Variants in SRRM2 observed in about 807,000 individuals in gnomAD.
The protein encoded by SRRM2 is serine/arginine repetitive matrix 2.
A neutral mutation model predicts 213.8 loss-of-function variants in SRRM2; 30 were observed. The ratio of observed to expected loss-of-function variants is 0.14; its 90% CI spans 0.10 to 0.19. SRRM2 has a LOEUF of 0.19. Among genes scored for constraint, SRRM2 ranks in the 10% least tolerant of loss-of-function variants. SRRM2 has a pLI of 1.00. For missense variants in SRRM2, 4,904 were observed against 3,647.0 expected (o/e 1.34, Z -8.88); for synonymous variants, 2,025 against 1,377.7 (o/e 1.47, Z -10.40).
rs1948129024 is a variant in SRRM2 at position 2,767,710 on chromosome 16, T to C, written c.7182T>C (p.Ser2394=). ...RVPLSAYERV[S]GRTSPPLLDR... ...CCCTTTCTGCCTACGAGCGTGTCAG[T>C]GGCAGAACCTCACCACCGCTCCTTG... The change falls in exon 11 of 15, where the codon AGT becomes AGC. Residue 2394 remains serine, a synonymous_variant. Transcript: ENST00000301740. 6.2e-7 allele frequency: 1 copy of C among 1,613,700 alleles called. No homozygotes were observed. Among genetic ancestry groups the C allele is most frequent in the South Asian group, 1.1e-5 (1 of 91,034 alleles).
In SRRM2 at chr16:2,762,859, C is replaced by T. The variant is rs752180163; in HGVS notation, c.2331C>T (p.Arg777=). 1.2e-6 allele frequency: 2 copies of T among 1,614,220 alleles called. No homozygotes were observed. Among genetic ancestry groups the T allele is most frequent in the African/African-American group, 2.7e-5 (2 of 75,052 alleles). ...SKAKSRLSLR[R]SLSGSSPCPK... is the part of the protein sequence containing the mutation. Reference sequence around the variant, plus strand: ...CAAAATCTCGCTTGTCTTTGAGGCGCAGCCTTTCAGGGTCTTCCCCATGCC... The same window carrying T: ...CAAAATCTCGCTTGTCTTTGAGGCGTAGCCTTTCAGGGTCTTCCCCATGCC... The change falls in exon 11 of 15, where the codon CGC becomes CGT. Residue 777 remains arginine, a synonymous_variant. Transcript: ENST00000301740.
chr16:2,765,122 C>A lies in SRRM2; in HGVS notation c.4594C>A (p.Pro1532Thr), dbSNP rs747659983. 8.1e-6 allele frequency: 13 copies of A among 1,614,152 alleles called. No homozygotes were observed. In the South Asian group the frequency reaches 1.3e-4, roughly 16 times the overall value. ...TGATCAGAAAACTGTGGCTCGGACT[C>A]CCCTGGGGCAGAGAAGTCGTTCGGG... ...SVDQKTVART[P>T]LGQRSRSGSS... Residue 1532 changes from proline to threonine, a missense_variant, in exon 11 of 15, where the codon CCC becomes ACC. Transcript: ENST00000301740.
At chr16:2,756,303 G>C in intron 1 of SRRM2, 31 bp from the exon 2 acceptor site, 1 of 1,497,924 alleles carries the variant, frequency 6.7e-7, no homozygotes, top group South Asian at 1.3e-5. Context: ...GGGGCCAGGG[G>C]CCTGACCCGT....
At chr16:2,768,960 C>T (rs2068639222) in intron 11 of SRRM2, 37 bp from the exon 12 acceptor site, 2 of 1,605,928 alleles carry the variant, frequency 1.2e-6, no homozygotes, top group Non-Finnish European at 1.7e-6. Context: ...GGGGCTGGGG[C>T]AGCTTGTCTC....
chr16:2,761,548 C>T lies in SRRM2; in HGVS notation c.1033-13C>T, dbSNP rs772470242. 15 of 1,496,896 alleles carry T rather than the reference C, an allele frequency of 1.0e-5. No individual in the cohort carries two copies. In the Admixed American group the frequency reaches 2.7e-4, roughly 27 times the overall value. 92.7% of individuals were successfully genotyped at this position (1,496,896 alleles called of 1,614,324 possible). ...TTATGAATCCCTATCCCTGCTCTCTCTTCCACTCTTAGAAATCTGCAACTC... is the reference window on the plus strand; with the variant it reads ...TTATGAATCCCTATCCCTGCTCTCTTTTCCACTCTTAGAAATCTGCAACTC... On this transcript the variant is annotated splice_polypyrimidine_tract_variant and intron_variant, in intron 10 of 14. Transcript: ENST00000301740.
chr16:2,763,359 G>A lies in SRRM2; in HGVS notation c.2831G>A (p.Arg944Lys), dbSNP rs1273445415. 1 of 1,614,060 alleles carries A rather than the reference G, an allele frequency of 6.2e-7. No homozygotes were observed. The highest frequency in any genetic ancestry group is 8.5e-7 in the Non-Finnish European group (1 of 1,180,046). ...CCAAGTCCTAGTAGGGTGACGTCGAGAACAACTCCACGGCGAAGCAGATCA... is the reference window on the plus strand; with the variant it reads ...CCAAGTCCTAGTAGGGTGACGTCGAAAACAACTCCACGGCGAAGCAGATCA... Reference protein sequence around the residue: ...SSPSPSRVTSRTTPRRSRSVS... With the variant: ...SSPSPSRVTSKTTPRRSRSVS... Residue 944 changes from arginine (R) to lysine (K), a missense_variant, in exon 11 of 15, where the codon AGA (arginine) becomes AAA (lysine). Transcript: ENST00000301740.
intron 1 of SRRM2, among the ~76,000 whole-genome samples, chr16:2,754,688 A>G (rs1034110236): frequency 3.9e-5 from 6 of 152,226 alleles, no homozygotes; most frequent in African/African-American, 1.4e-4. Flanking sequence ...GGTCAAAAAC[A>G]TGCTGCAGGG....
Position 2,765,059 on chromosome 16 carries a change from A to G in SRRM2, c.4531A>G (p.Thr1511Ala). The change falls in exon 11 of 15, where the codon ACC becomes GCC. Residue 1511 changes from threonine (T) to alanine (A), a missense_variant. Physicochemically the swap from Thr to Ala is moderately conservative, Grantham distance 58. Coordinates refer to ENST00000301740, the MANE Select transcript of SRRM2 (RefSeq NM_016333.4). ...SSPELNNKCLTPQRERSGSES... is the reference protein window; with the variant it reads ...SSPELNNKCLAPQRERSGSES... ...CCCAGAGCTCAACAACAAGTGTCTT[A>G]CCCCCCAGAGAGAAAGAAGCGGGTC... is the stretch of plus-strand genomic sequence containing the variant. 6.2e-7 allele frequency: 1 copy of G among 1,613,964 alleles called. No homozygotes were observed. The highest frequency in any genetic ancestry group is 1.3e-5 in the African/African-American group (1 of 74,972).
intron 9 of SRRM2, 179 bp downstream of exon 9, chr16:2,759,840 C>CT: frequency 1.7e-6 from 1 of 580,208 alleles, no homozygotes; most frequent in Non-Finnish European, 3.0e-6. Context: ...ATTTCCCCTT[C>CT]TCTTTTTTTT....
rs201043562 is a variant in SRRM2 at position 2,770,394 on chromosome 16, T to G, written c.8064T>G (p.Ser2688=). The change falls in exon 13 of 15, where the codon TCT becomes TCG. Residue 2688 remains serine, a synonymous_variant. Transcript: ENST00000301740. ...PRKPIDSLRD[S]RSLSYSPVER... ...AGCCAATAGACTCCCTCAGGGACTC[T>G]CGGTCCCTCAGCTACTCGCCTGTGG... 1.9e-6 allele frequency: 3 copies of G among 1,609,274 alleles called. No homozygotes were observed. Among genetic ancestry groups the G allele is most frequent in the African/African-American group, 2.7e-5 (2 of 74,810 alleles).
chr16:2,758,292 C>T (rs1167356152), intron 4 of SRRM2, among the ~76,000 whole-genome samples, 178 bp from the exon 5 acceptor site: 1 of 152,150 alleles, frequency 6.6e-6, no homozygotes, highest in Non-Finnish European at 1.5e-5. Flanking sequence ...TCTTTTGAGC[C>T]CACAAGTTGG....
rs1049660592 is a variant in SRRM2 at position 2,763,313 on chromosome 16, A to C, written c.2785A>C (p.Ser929Arg). ...GGCAATAATATCACCAAGACAAAGA[A>C]GCCATTCTGGCTCCTCTTCTCCAAG... ...VKAIISPRQR[S>R]HSGSSSPSPS... Residue 929 changes from serine to arginine, a missense_variant, in exon 11 of 15, where the codon AGC becomes CGC. Transcript: ENST00000301740. 1 of 1,614,034 alleles carries C rather than the reference A, an allele frequency of 6.2e-7. No individual in the cohort carries two copies. Among genetic ancestry groups the C allele is most frequent in the South Asian group, 1.1e-5 (1 of 91,082 alleles).
At position 2,769,204 on chromosome 16, in the gene SRRM2, C is replaced by G. The variant is rs770929161; in HGVS notation, c.7941C>G (p.Ser2647=). Residue 2647 remains serine (S), a synonymous_variant, in exon 12 of 15, where the codon TCC becomes TCG. Transcript: ENST00000301740. ...SSSSSSSSSS[S]SPSPAKPGPQ... ...CATCTTCCTCCTCCTCGTCGTCTTCCTCCCCTTCCCCTGCTAAGCCTGGCC... is the reference window on the plus strand; with the variant it reads ...CATCTTCCTCCTCCTCGTCGTCTTCGTCCCCTTCCCCTGCTAAGCCTGGCC... The G allele has an allele frequency of 4.4e-6, 7 of 1,605,950 alleles. No homozygotes were observed. Among genetic ancestry groups the G allele is most frequent in the Admixed American group, 1.7e-5 (1 of 59,514 alleles).
rs775397625 is a variant in SRRM2, at chr16:2,770,747, T to TC, written c.8249+32dup. On this transcript the variant is annotated intron_variant, in intron 14 of 14. Transcript: ENST00000301740. ...GTGTCCTGGAAGGCTGATGCCCCCT[T>TC]CCGGGAGCCAGTTGTGGTGGTGGGT... The TC allele has an allele frequency of 2.0e-5, 31 of 1,588,342 alleles. No homozygotes were observed. The East Asian group carries it at 6.6e-4, about 34-fold the overall frequency.
In SRRM2 at chr16:2,767,799, C is replaced by T. The variant is rs752503911; in HGVS notation, c.7271C>T (p.Ala2424Val). ...CAATCTAGGATGACCTCTGAACGGGCTCCCTCCCCTTCCTCTAGAATGGGC... is the reference window on the plus strand; with the variant it reads ...CAATCTAGGATGACCTCTGAACGGGTTCCCTCCCCTTCCTCTAGAATGGGC... ...PSQSRMTSER[A>V]PSPSSRMGQA... The change falls in exon 11 of 15, where the codon GCT (alanine) becomes GTT (valine). Residue 2424 changes from alanine to valine, a missense_variant. Coordinates refer to ENST00000301740, the MANE Select transcript of SRRM2 (RefSeq NM_016333.4). The T allele has an allele frequency of 1.9e-6, 3 of 1,614,078 alleles. No homozygotes were observed. Among genetic ancestry groups the T allele is most frequent in the Admixed American group, 1.7e-5 (1 of 60,014 alleles).
intron 2 of SRRM2, among the ~76,000 whole-genome samples, chr16:2,757,082 C>A (rs2240145): frequency 0.97 from 147,699 of 152,238 alleles, 71,939 homozygotes; most frequent in African/African-American, 0.99. Flanking sequence ...GAAAAGGAGC[C>A]CATTAAGGCA....
Position 2,766,913 on chromosome 16 carries a change from C to A in SRRM2, c.6385C>A (p.Arg2129Ser), listed in dbSNP as rs375690866. ...TAGCATGTCCCCAACACCTCTTGAT[C>A]GCTGCAGATCACCTGGAATGCTTGA... The part of the protein sequence containing the change: ...RPSMSPTPLD[R>S]CRSPGMLEPL... Residue 2129 changes from arginine to serine, a missense_variant, in exon 11 of 15, where the codon CGC becomes AGC. Physicochemically the swap from Arg to Ser is moderately radical, Grantham distance 110. Coordinates refer to ENST00000301740, the MANE Select transcript of SRRM2 (RefSeq NM_016333.4). This position sits in a 1 kb window ranked among gnomAD's most constrained non-coding sequence, Gnocchi z 7.0. 5 of 1,614,090 alleles carry A rather than the reference C, an allele frequency of 3.1e-6. No individual in the cohort carries two copies. Among genetic ancestry groups the A allele is most frequent in the Non-Finnish European group, 2.5e-6 (3 of 1,180,030 alleles).
intron 10 of SRRM2, chr16:2,760,944 C>T (rs184396519): frequency 8.3e-4 from 135 of 162,772 alleles, no homozygotes; most frequent in African/African-American, 2.9e-3. Context: ...ATCATTTCCT[C>T]TTGCTTTAGT....
chr16:2,770,319 T>G, intron 12 of SRRM2, 33 bp from the exon 13 acceptor site: 1 of 1,540,600 alleles, frequency 6.5e-7, no homozygotes, highest in South Asian at 1.2e-5. Flanking sequence ...CTTGAAAGGG[T>G]GTGGTGCTAT....
Sources: allele counts gnomAD v4.1 joint callset (sites outside exome capture counted in the v4.1 genomes callset), GRCh38; gene constraint gnomAD v4.1.1; non-coding constraint Gnocchi (gnomAD v3.1); transcripts MANE v1.5; gene names NCBI Gene and HGNC (gene_info 2026-07-23, HGNC 2026-07-21).